EPB41: variants seen among roughly 807,000 people sequenced by gnomAD.
EPB41 encodes the protein erythrocyte membrane protein band 4.1.
A neutral mutation model predicts 108.0 loss-of-function variants in EPB41; 65 were observed. The observed-to-expected ratio is 0.60, with a 90% CI of 0.49 to 0.74. The LOEUF (loss-of-function observed/expected upper bound fraction) is 0.74, where lower values mean the gene tolerates loss of function less well. EPB41 is among the 30% of genes least tolerant of loss of function. The pLI is 0.00. For synonymous variants in EPB41, 336 were observed against 358.9 expected (o/e 0.94, Z 0.72); for missense variants, 875 against 1,037.0 (o/e 0.84, Z 2.15).
rs753094572 is a variant in EPB41, at chr1:29,015,660, A to C, written c.830-32A>C. On this transcript the variant is annotated intron_variant, in intron 5 of 20. Transcript: ENST00000343067. ...TCCAACAATTAGAAACTTAGGTATA[A>C]ACGTAAAATTCTTTTGTGTTTATTT... 2.7e-5 allele frequency: 36 copies of C among 1,327,226 alleles called. No individual in the cohort carries two copies. The African/African-American group carries it at 5.2e-4, about 19-fold the overall frequency. The allele number at this position is 1,327,226 out of a possible 1,614,324, so 82.2% of individuals were successfully genotyped here.
intron 1 of EPB41, among the ~76,000 whole-genome samples, chr1:28,901,799 AC>A (rs1307997566): frequency 6.6e-6 from 1 of 151,870 alleles, no homozygotes; most frequent in East Asian, 1.9e-4. Context: ...CTCCCAAAGT[AC>A]TAGAATTACA....
chr1:28,892,093 C>CA (rs748788169), intron 1 of EPB41, among the ~76,000 whole-genome samples: 1,595 of 69,702 alleles, frequency 0.023, 79 homozygotes, highest in African/African-American at 0.061. Context: ...GACTGCATCT[C>CA]AAAAAAAAAA....
intron 18 of EPB41, 141 bp downstream of exon 18, chr1:29,109,578 G>C: frequency 1.4e-6 from 1 of 737,996 alleles, no homozygotes. Flanking sequence ...AAGAGTCCTG[G>C]ATGGAAAGGC....
chr1:29,065,400 G>A, intron 16 of EPB41: 1 of 477,510 alleles, frequency 2.1e-6, no homozygotes, highest in Non-Finnish European at 3.4e-6. Context: ...TCTGAGAACT[G>A]TCTCTGCAGC....
chr1:28,941,924 CT>C (rs1325801433), intron 1 of EPB41, among the ~76,000 whole-genome samples: 2 of 147,318 alleles, frequency 1.4e-5, no homozygotes, highest in Non-Finnish European at 3.0e-5. Context: ...AAGCAAAAAC[CT>C]TTCTCCCTGA....
intron 1 of EPB41, among the ~76,000 whole-genome samples, chr1:28,950,095 T>G (rs1375103425): frequency 6.6e-6 from 1 of 152,170 alleles, no homozygotes; most frequent in African/African-American, 2.4e-5. Context: ...GATGTCTCCT[T>G]GTACATGTGT....
At chr1:29,078,203 A>T (rs1654901982) in intron 16 of EPB41, among the ~76,000 whole-genome samples, 1 of 152,138 alleles carries the variant, frequency 6.6e-6, no homozygotes. Context: ...TGGGTGAAAG[A>T]GCAAGATTCC....
intron 1 of EPB41, among the ~76,000 whole-genome samples, chr1:28,892,329 C>A (rs553168503): frequency 5.3e-5 from 8 of 152,194 alleles, no homozygotes; most frequent in Non-Finnish European, 1.0e-4. Context: ...TCCTTCCAGA[C>A]GTGTTACATG....
rs1397552896 is a variant in EPB41 at position 29,117,512 on chromosome 1, G to A, written c.*700G>A. On this transcript the variant is annotated 3_prime_UTR_variant, in exon 21 of 21. Transcript: ENST00000343067. ...GACATGGAAGTTGCTTCAGATATCTGATACTGTGAATGTTTGAACATATCC... is the reference window on the plus strand; with the variant it reads ...GACATGGAAGTTGCTTCAGATATCTAATACTGTGAATGTTTGAACATATCC... 1 of 152,628 alleles carries A rather than the reference G, an allele frequency of 6.6e-6. No individual in the cohort carries two copies. Among genetic ancestry groups the A allele is most frequent in the Non-Finnish European group, 1.5e-5 (1 of 68,052 alleles). 9.5% of individuals were successfully genotyped at this position (152,628 alleles called of 1,614,324 possible).
chr1:28,995,639 T>C (rs1258061472), intron 3 of EPB41, among the ~76,000 whole-genome samples: 1 of 152,236 alleles, frequency 6.6e-6, no homozygotes, highest in Non-Finnish European at 1.5e-5. Flanking sequence ...CTGCATATTT[T>C]ATAATAAACC....
At chr1:28,902,211 T>TA in intron 1 of EPB41, 14 of 985,398 alleles carry the variant, frequency 1.4e-5, no homozygotes, top group Non-Finnish European at 1.6e-5. Context: ...TGTCAGATCA[T>TA]ACTTTAGCTG....
intron 1 of EPB41, among the ~76,000 whole-genome samples, chr1:28,888,674 C>G (rs2089745118): frequency 6.6e-6 from 1 of 152,240 alleles, no homozygotes. Context: ...GTCGCCCAGG[C>G]TAGAGTGCAG....
At chr1:28,939,054 T>G (rs1259286400) in intron 1 of EPB41, among the ~76,000 whole-genome samples, 1 of 152,242 alleles carries the variant, frequency 6.6e-6, no homozygotes, top group South Asian at 2.1e-4. Context: ...CATTCTAGTC[T>G]TATTCCTGAC....
intron 1 of EPB41, among the ~76,000 whole-genome samples, chr1:28,924,350 G>A (rs1570672174): frequency 6.6e-6 from 1 of 152,214 alleles, no homozygotes; most frequent in South Asian, 2.1e-4. Context: ...CCAACATGGC[G>A]AAACCCCGTC....
intron 16 of EPB41, among the ~76,000 whole-genome samples, chr1:29,084,381 G>A (rs372153538): frequency 7.9e-5 from 12 of 152,238 alleles, no homozygotes; most frequent in African/African-American, 2.4e-4. Flanking sequence ...TTACAGCATT[G>A]GTTATATCAT....
At chr1:28,991,137 T>C (rs1003895649) in intron 2 of EPB41, among the ~76,000 whole-genome samples, 13 of 150,668 alleles carry the variant, frequency 8.6e-5, no homozygotes, top group Non-Finnish European at 1.8e-4. Context: ...AATGGTTCTT[T>C]TTTATCCAGA....
intron 16 of EPB41, among the ~76,000 whole-genome samples, chr1:29,075,244 G>T (rs1044311839): frequency 1.3e-5 from 2 of 151,540 alleles, no homozygotes; most frequent in African/African-American, 4.8e-5. Context: ...TCGGAAGGCC[G>T]AGGTGGGCAG....
At chr1:29,032,971 T>C in intron 8 of EPB41, 122 bp from the exon 9 acceptor site, 3 of 993,814 alleles carry the variant, frequency 3.0e-6, no homozygotes, top group Non-Finnish European at 3.1e-6. Flanking sequence ...TAGGCTGAGC[T>C]TTATTTTTCA....
chr1:28,902,004 T>C (rs2091366906), intron 1 of EPB41, among the ~76,000 whole-genome samples: 1 of 152,262 alleles, frequency 6.6e-6, no homozygotes, highest in South Asian at 2.1e-4. Context: ...GATTTTTGTC[T>C]ATATTATTCA....
Sources: gnomAD v4.1 joint callset for allele counts (sites outside exome capture counted in the v4.1 genomes callset) on GRCh38, gnomAD v4.1.1 for gene constraint, MANE v1.5 for transcripts, NCBI Gene and HGNC (gene_info 2026-07-23, HGNC 2026-07-21) for gene names.